The following CLIC5 variants were observed in gnomAD, a reference collection of about 807,000 sequenced individuals.
CLIC5 encodes CLIC family member 5, also known as chloride intracellular channel protein 5.
Under a neutral mutation model 24.7 loss-of-function variants are expected in CLIC5, and 20 were observed. The ratio of observed to expected loss-of-function variants is 0.81; its 90% CI spans 0.57 to 1.18. The LOEUF is 1.18. CLIC5 is among the 50% of genes most tolerant of loss of function. CLIC5 has a pLI of 0.00. For synonymous variants in CLIC5, 159 were observed against 135.6 expected, an observed-to-expected ratio of 1.17 and a Z score of -1.20; for missense variants, 341 against 326.1, an observed-to-expected ratio of 1.05 and a Z score of -0.35.
intron 1 of CLIC5, among the ~76,000 whole-genome samples, chr6:46,005,974 ATG>A (rs1554160569): frequency 7.8e-6 from 1 of 128,324 alleles, no homozygotes; most frequent in Non-Finnish European, 1.6e-5. Flanking sequence ...GACAGAGCCT[ATG>A]TGTGTATATA....
chr6:46,115,523 A>G, the CLIC5 span, among the ~76,000 whole-genome samples: 6 of 152,162 alleles, frequency 3.9e-5, no homozygotes, highest in African/African-American at 1.4e-4. Flanking sequence ...GGGTTTTACT[A>G]TAAAGAGTTA....
chr6:46,125,386 T>C, the CLIC5 span, among the ~76,000 whole-genome samples: 3 of 151,994 alleles, frequency 2.0e-5, no homozygotes, highest in African/African-American at 7.3e-5. Flanking sequence ...TGAGAACACT[T>C]GGACCCAGGA....
chr6:46,114,938 A>G, the CLIC5 span, among the ~76,000 whole-genome samples: 4 of 152,224 alleles, frequency 2.6e-5, no homozygotes, highest in African/African-American at 4.8e-5. Flanking sequence ...GACCAGGGCA[A>G]AAATCCAGGG....
chr6:46,075,145 T>C (rs1479224023), intron 1 of CLIC5, among the ~76,000 whole-genome samples: 1 of 152,240 alleles, frequency 6.6e-6, no homozygotes, highest in Admixed American at 6.5e-5. Context: ...ATCTTTATAA[T>C]AACCCTATGA....
At chr6:46,006,381 T>C (rs1445915781) in intron 1 of CLIC5, among the ~76,000 whole-genome samples, 1 of 151,528 alleles carries the variant, frequency 6.6e-6, no homozygotes, top group East Asian at 2.0e-4. Context: ...CTTGACCTCA[T>C]GATCTGCCCA....
the CLIC5 span, among the ~76,000 whole-genome samples, chr6:46,097,889 A>T: frequency 6.6e-6 from 1 of 152,144 alleles, no homozygotes; most frequent in Non-Finnish European, 1.5e-5. Flanking sequence ...ACTACTGATG[A>T]GTTAGTCACT....
At chr6:46,116,204 G>A in the CLIC5 span, among the ~76,000 whole-genome samples, 1 of 150,714 alleles carries the variant, frequency 6.6e-6, no homozygotes, top group Non-Finnish European at 1.5e-5. Context: ...AGACCACAGA[G>A]TCTGGAAGCA....
chr6:45,985,574 CTGCTTGGGGCCTGGAGGCTGACAGTG>C (rs1765706223), intron 1 of CLIC5, among the ~76,000 whole-genome samples: 1 of 152,040 alleles, frequency 6.6e-6, no homozygotes, highest in African/African-American at 2.4e-5. Context: ...CCTCACCACT[CTGCTTGGGGCCTGGAGGCTGACAGTG>C]GGAATAGCAT....
At chr6:45,933,764 G>A (rs1250649610) in intron 4 of CLIC5, among the ~76,000 whole-genome samples, 1 of 152,198 alleles carries the variant, frequency 6.6e-6, no homozygotes, top group Admixed American at 6.5e-5. Flanking sequence ...ACAGAGAGGG[G>A]CAGGGAGGTT....
At chr6:46,091,905 C>T in the CLIC5 span, among the ~76,000 whole-genome samples, 2 of 152,118 alleles carry the variant, frequency 1.3e-5, no homozygotes, top group Non-Finnish European at 2.9e-5. Flanking sequence ...TATGGTAGTT[C>T]TATTTTTAAT....
chr6:46,006,067 AATATATAT>A (rs1319234426), intron 1 of CLIC5, among the ~76,000 whole-genome samples: 1 of 119,542 alleles, frequency 8.4e-6, no homozygotes, highest in African/African-American at 3.3e-5. Flanking sequence ...TACATGTATA[AATATATAT>A]ATACACATGT....
chr6:45,927,518 G>A (rs1365942087), intron 4 of CLIC5, among the ~76,000 whole-genome samples: 1 of 152,146 alleles, frequency 6.6e-6, no homozygotes, highest in East Asian at 1.9e-4. Flanking sequence ...CTAAAAGCAG[G>A]ACGTAGATTT....
chr6:46,111,008 T>C, the CLIC5 span, among the ~76,000 whole-genome samples: 1 of 152,170 alleles, frequency 6.6e-6, no homozygotes, highest in Non-Finnish European at 1.5e-5. Context: ...GAGAAGAAAA[T>C]TACAGTACAC....
At chr6:46,050,171 G>C (rs547468839) in intron 1 of CLIC5, among the ~76,000 whole-genome samples, 1 of 152,226 alleles carries the variant, frequency 6.6e-6, no homozygotes, top group South Asian at 2.1e-4. Context: ...CTGTGTCCCT[G>C]TAAGTGCCTG....
chr6:46,000,668 C>A (rs1444206897), intron 1 of CLIC5, among the ~76,000 whole-genome samples: 1 of 152,152 alleles, frequency 6.6e-6, no homozygotes, highest in Non-Finnish European at 1.5e-5. Context: ...CTTCACAGGG[C>A]AGCAGGAGAG....
At chr6:46,114,589 G>A in the CLIC5 span, among the ~76,000 whole-genome samples, 1 of 152,148 alleles carries the variant, frequency 6.6e-6, no homozygotes. Flanking sequence ...TAGCATGTGT[G>A]TTTCAGGTGG....
At chr6:45,991,349 G>A (rs1765936068) in intron 1 of CLIC5, among the ~76,000 whole-genome samples, 1 of 152,178 alleles carries the variant, frequency 6.6e-6, no homozygotes, top group Non-Finnish European at 1.5e-5. Flanking sequence ...CTGTACCATA[G>A]GCAGCCTCTA....
At chr6:46,107,510 A>G in the CLIC5 span, among the ~76,000 whole-genome samples, 1 of 152,236 alleles carries the variant, frequency 6.6e-6, no homozygotes, top group Non-Finnish European at 1.5e-5. Flanking sequence ...AGGTTACCAA[A>G]ATAAAAGATA....
chr6:46,087,986 T>C, the CLIC5 span, among the ~76,000 whole-genome samples: 1 of 152,226 alleles, frequency 6.6e-6, no homozygotes, highest in Non-Finnish European at 1.5e-5. Context: ...TTGAGCTTTC[T>C]CACCCCAGGT....
Sources: allele counts gnomAD v4.1 joint callset (sites outside exome capture counted in the v4.1 genomes callset), GRCh38; gene constraint gnomAD v4.1.1; transcripts MANE v1.5; gene names NCBI Gene and HGNC (gene_info 2026-07-23, HGNC 2026-07-21).